Variants in RBFOX3 observed in about 807,000 individuals in gnomAD.
RBFOX3 encodes the protein RNA binding fox-1 homolog 3, also known as RNA binding protein fox-1 homolog 3.
Under a neutral mutation model 48.7 loss-of-function variants are expected in RBFOX3, and 17 were observed. The ratio of observed to expected loss-of-function variants is 0.35; its 90% CI spans 0.24 to 0.52. The LOEUF (loss-of-function observed/expected upper bound fraction) is 0.52. Ranked by LOEUF, RBFOX3 falls within the 20% of genes least tolerant of loss-of-function variation. The pLI is 0.94. For synonymous variants in RBFOX3, 212 were observed against 209.5 expected (o/e 1.01, Z -0.10); for missense variants, 382 against 497.5 (o/e 0.77, Z 2.21).
At chr17:79,660,269 C>T in the RBFOX3 span, among the ~76,000 whole-genome samples, 17 of 152,120 alleles carry the variant, frequency 1.1e-4, no homozygotes, top group East Asian at 7.7e-4. Flanking sequence ...ACAAAAACAC[C>T]GAAAGCAATC....
chr17:79,472,154 T>A (rs1261269208), intron 2 of RBFOX3, among the ~76,000 whole-genome samples: 3 of 152,114 alleles, frequency 2.0e-5, no homozygotes, highest in African/African-American at 7.2e-5. Context: ...TTGGCCTCCA[T>A]CCCAGAGAGC....
Position 79,113,230 on chromosome 17 carries a change from A to G in RBFOX3, c.222+2264T>C, listed in dbSNP as rs1047449105. 5.3e-5 allele frequency among the ~76,000 whole-genome samples: 8 copies of G among 152,174 alleles called. No individual in the cohort carries two copies. The South Asian group carries it at 6.2e-4, about 12-fold the overall frequency. On this transcript the variant is annotated intron_variant, in intron 5 of 14. Transcript: ENST00000693108. ...CTGTGAGTGCCGGGCAGCCTCTGGGAGGAAGGAGCTCCTGGAATCTAGAAC... is the reference window on the plus strand; with the variant it reads ...CTGTGAGTGCCGGGCAGCCTCTGGGGGGAAGGAGCTCCTGGAATCTAGAAC...
chr17:79,464,834 C>A (rs782632990), intron 2 of RBFOX3, among the ~76,000 whole-genome samples: 3 of 152,222 alleles, frequency 2.0e-5, no homozygotes, highest in Non-Finnish European at 2.9e-5. Flanking sequence ...ATGCCAGCAA[C>A]GTGCTGGCAC....
Position 79,101,728 on chromosome 17 carries a change from C to T in RBFOX3, c.508-84G>A, listed in dbSNP as rs1187203702. On this transcript the variant is annotated intron_variant, in intron 8 of 14. Coordinates refer to ENST00000693108, the MANE Select transcript of RBFOX3 (RefSeq NM_001350451.2). The stretch of plus-strand genomic sequence containing the variant: ...CTGGCCACTCCTCCCCGCCCTGCTC[C>T]GTTAGCCCCCGGCACCCCCCGCCCC... 4.7e-5 allele frequency: 59 copies of T among 1,246,690 alleles called. No individual in the cohort carries two copies. The East Asian group carries it at 1.1e-3, about 24-fold the overall frequency. The allele number at this position is 1,246,690 out of a possible 1,614,324, so 77.2% of individuals were successfully genotyped here. A position where few individuals can be genotyped will look rare whatever the true frequency, so the allele number is the denominator to read the frequency against.
chr17:79,113,481 C>T (rs28584660), intron 5 of RBFOX3, among the ~76,000 whole-genome samples: 27,948 of 151,944 alleles, frequency 0.18, 2,722 homozygotes, highest in East Asian at 0.24. Flanking sequence ...CCTGAACCCT[C>T]TGCCAGACCT....
the RBFOX3 span, among the ~76,000 whole-genome samples, chr17:79,648,895 G>A: frequency 6.6e-6 from 1 of 151,522 alleles, no homozygotes; most frequent in East Asian, 1.9e-4. Context: ...CCCCACCACA[G>A]CCACCTGTGG....
chr17:79,291,249 T>C (rs1390220566), intron 3 of RBFOX3, among the ~76,000 whole-genome samples: 1 of 152,214 alleles, frequency 6.6e-6, no homozygotes, highest in Non-Finnish European at 1.5e-5. Context: ...CAATGGAGCA[T>C]TCTTTGTGAG....
intron 4 of RBFOX3, among the ~76,000 whole-genome samples, chr17:79,188,605 C>A (rs1178549785): frequency 6.6e-6 from 1 of 152,208 alleles, no homozygotes; most frequent in African/African-American, 2.4e-5. Context: ...TTCCTCTCCC[C>A]TCGGGGGCCC....
chr17:79,646,083 G>T, the RBFOX3 span, among the ~76,000 whole-genome samples: 2 of 151,868 alleles, frequency 1.3e-5, no homozygotes, highest in Non-Finnish European at 2.9e-5. Context: ...AGTGGGCTTC[G>T]GGATCTTGTA....
chr17:79,341,585 C>T (rs916065164), intron 2 of RBFOX3, among the ~76,000 whole-genome samples: 10 of 152,102 alleles, frequency 6.6e-5, no homozygotes, highest in South Asian at 2.1e-4. Flanking sequence ...CTGTCCTACA[C>T]GCCACATGGG....
chr17:79,469,446 G>A (rs1467131721), intron 2 of RBFOX3, among the ~76,000 whole-genome samples: 9 of 152,270 alleles, frequency 5.9e-5, no homozygotes, highest in Admixed American at 3.9e-4. Flanking sequence ...ACGTCAGGGC[G>A]CCTGGTCCTG....
chr17:79,169,887 A>G (rs1351708916), intron 4 of RBFOX3, among the ~76,000 whole-genome samples: 5 of 152,286 alleles, frequency 3.3e-5, no homozygotes, highest in East Asian at 1.9e-4. Context: ...GCCCACAGAT[A>G]CAAATCATTA....
chr17:79,159,907 A>G (rs1454921416), intron 4 of RBFOX3, among the ~76,000 whole-genome samples: 1 of 152,198 alleles, frequency 6.6e-6, no homozygotes, highest in Admixed American at 6.5e-5. Context: ...GCGAGGGTGC[A>G]TGCGTGTCCG....
intron 4 of RBFOX3, among the ~76,000 whole-genome samples, chr17:79,124,992 G>T (rs2036801243): frequency 6.6e-6 from 1 of 152,188 alleles, no homozygotes; most frequent in Non-Finnish European, 1.5e-5. Context: ...GCTCCTCCGG[G>T]CCTGGCGTGG....
Position 79,089,414 on chromosome 17 carries a change from G to A in RBFOX3, c.*1469C>T, listed in dbSNP as rs942829763. The A allele has an allele frequency of 1.3e-5, 2 of 152,656 alleles. No individual in the cohort carries two copies. Among genetic ancestry groups the A allele is most frequent in the African/African-American group, 4.8e-5 (2 of 41,444 alleles). 9.5% of individuals were successfully genotyped at this position (152,656 alleles called of 1,614,324 possible). On this transcript the variant is annotated 3_prime_UTR_variant, in exon 15 of 15. Coordinates refer to ENST00000693108, the MANE Select transcript of RBFOX3 (RefSeq NM_001350451.2). ...CTGTTAGTTTGAATGGTCACACCTT[G>A]GAAGCATACAGAATGGTAAGAAAGG...
intron 4 of RBFOX3, among the ~76,000 whole-genome samples, chr17:79,153,602 C>T (rs1393036799): frequency 1.3e-5 from 2 of 152,178 alleles, no homozygotes; most frequent in Non-Finnish European, 2.9e-5. Flanking sequence ...ACTGAGAACA[C>T]CAAGCTCCCA....
intron 1 of RBFOX3, chr17:79,598,028 C>G (rs1196501641): frequency 1.6e-5 from 2 of 123,312 alleles, no homozygotes; most frequent in Non-Finnish European, 3.4e-5. Flanking sequence ...GGAGCCTGAT[C>G]AGAAGGAGTC....
At chr17:79,229,241 A>C (rs1364584292) in intron 4 of RBFOX3, among the ~76,000 whole-genome samples, 1 of 48,506 alleles carries the variant, frequency 2.1e-5, no homozygotes, top group East Asian at 7.7e-4. Flanking sequence ...AAAAAAAAAA[A>C]AAAAAAAAAA....
intron 2 of RBFOX3, among the ~76,000 whole-genome samples, chr17:79,451,352 G>A (rs538726596): frequency 2.0e-5 from 3 of 152,330 alleles, no homozygotes; most frequent in South Asian, 2.1e-4. Flanking sequence ...AGGCAAAGAC[G>A]TGCCGGGAAG....
Sources: allele counts gnomAD v4.1 joint callset (sites outside exome capture counted in the v4.1 genomes callset), GRCh38; gene constraint gnomAD v4.1.1; transcripts MANE v1.5; gene names NCBI Gene and HGNC (gene_info 2026-07-23, HGNC 2026-07-21).